The following ITPR1 variants were observed in gnomAD, a reference collection of about 807,000 sequenced individuals.
ITPR1 encodes inositol 1,4,5-trisphosphate receptor type 1.
Under a neutral mutation model 318.4 loss-of-function variants are expected in ITPR1, and 96 were observed. The ratio of observed to expected loss-of-function variants is 0.30; its 90% CI spans 0.26 to 0.36. The LOEUF is 0.36. Among genes scored for constraint, ITPR1 ranks in the 10% least tolerant of loss-of-function variants. ITPR1 has a pLI of 1.00. For missense variants in ITPR1, 2,440 were observed against 3,460.2 expected (o/e 0.71, Z 7.40); for synonymous variants, 1,312 against 1,289.9 (o/e 1.02, Z -0.37).
intron 60 of ITPR1, among the ~76,000 whole-genome samples, chr3:4,835,103 A>T (rs1011796704): frequency 6.6e-6 from 1 of 152,118 alleles, no homozygotes. Flanking sequence ...CAAACTAGTG[A>T]CTGTGACCCT....
chr3:4,623,121 C>T (rs2092701658), intron 4 of ITPR1, among the ~76,000 whole-genome samples: 1 of 152,226 alleles, frequency 6.6e-6, no homozygotes, highest in South Asian at 2.1e-4. Context: ...ACACCTGTGG[C>T]TCCCCTTGCT....
intron 30 of ITPR1, among the ~76,000 whole-genome samples, chr3:4,685,773 G>A (rs148287920): frequency 7.9e-5 from 12 of 152,304 alleles, no homozygotes; most frequent in African/African-American, 2.6e-4. Flanking sequence ...GGGGAGGCAG[G>A]AGCAGGCTGA....
rs554879751 is a variant in ITPR1, at chr3:4,695,685, T to C, written c.4282-1462T>C. Among the ~76,000 whole-genome samples the C allele has an allele frequency of 1.3e-4, 20 of 152,362 alleles. No individual in the cohort carries two copies. The South Asian group carries it at 4.1e-3, about 32-fold the overall frequency. ...GGTTTTGGACTTCTTCTGTGTATCA[T>C]TCCATGCCTTTTTAAGTTCAGTTCT... is the stretch of plus-strand genomic sequence containing the variant. On this transcript the variant is annotated intron_variant, in intron 33 of 61. Transcript: ENST00000649015.
Position 4,818,212 on chromosome 3 carries a change from G to T in ITPR1, c.7998G>T (p.Gly2666=). 1 of 1,579,478 alleles carries T rather than the reference G, an allele frequency of 6.3e-7. No homozygotes were observed. Among genetic ancestry groups the T allele is most frequent in the Non-Finnish European group, 8.7e-7 (1 of 1,153,232 alleles). The stretch of plus-strand genomic sequence containing the variant: ...TAAAGGACTCCACCGAATATACTGG[G>T]CCTGAGAGTTACGTGGCAGAAATGA... ...VKVKDSTEYT[G]PESYVAEMIK... is the part of the protein sequence containing the mutation. Residue 2666 remains glycine, a synonymous_variant, in exon 60 of 62, where the codon GGG becomes GGT. Transcript: ENST00000649015.
intron 13 of ITPR1, among the ~76,000 whole-genome samples, chr3:4,659,356 A>C (rs1417195256): frequency 6.6e-6 from 1 of 152,190 alleles, no homozygotes; most frequent in East Asian, 1.9e-4. Context: ...TCTCCAAGCG[A>C]ATGAATATCA....
At chr3:4,845,187 T>C (rs971224070) in intron 61 of ITPR1, among the ~76,000 whole-genome samples, 2 of 152,238 alleles carry the variant, frequency 1.3e-5, no homozygotes, top group African/African-American at 4.8e-5. Flanking sequence ...CTAATTCCTC[T>C]ACAATTTTAG....
chr3:4,674,613 AAG>A (rs1448508133), intron 22 of ITPR1, among the ~76,000 whole-genome samples: 3 of 152,246 alleles, frequency 2.0e-5, no homozygotes, highest in Non-Finnish European at 4.4e-5. Context: ...TAAAACTGAC[AAG>A]AGAGAAACAC....
In ITPR1 at chr3:4,683,935, CA is replaced by C. The variant is rs3215005; in HGVS notation, c.3498+139del. The stretch of plus-strand genomic sequence containing the variant: ...TCTGCTTGTTAAGTCACCAAGATCA[CA>C]AGCTGTTTGCCTAGGAAATAAGCTA... On this transcript the variant is annotated intron_variant, in intron 28 of 61. Coordinates refer to ENST00000649015, the MANE Select transcript of ITPR1 (RefSeq NM_001378452.1). 638,377 of 801,110 alleles carry C rather than the reference CA, an allele frequency of 0.8. 257,397 individuals are homozygous for C. Among genetic ancestry groups the C allele is most frequent in the Admixed American group, 0.85 (31,721 of 37,114 alleles). The allele number at this position is 801,110 out of a possible 1,614,324, so 49.6% of individuals were successfully genotyped here.
At chr3:4,512,938 A>G (rs2081942152) in intron 2 of ITPR1, among the ~76,000 whole-genome samples, 1 of 93,628 alleles carries the variant, frequency 1.1e-5, no homozygotes, top group Non-Finnish European at 2.2e-5. Flanking sequence ...TATGTCAGGC[A>G]TGGCTTGTCA....
At chr3:4,559,948 A>G (rs968273641) in intron 4 of ITPR1, among the ~76,000 whole-genome samples, 2 of 152,222 alleles carry the variant, frequency 1.3e-5, no homozygotes, top group Admixed American at 6.5e-5. Flanking sequence ...GGTTCAGAGC[A>G]TGAGTTCTAG....
chr3:4,541,729 C>A (rs1048981582), intron 4 of ITPR1, among the ~76,000 whole-genome samples: 7 of 151,898 alleles, frequency 4.6e-5, no homozygotes, highest in Middle Eastern at 3.2e-3. Context: ...AGGTTCAAGC[C>A]GTTCTCCTGC....
intron 52 of ITPR1, among the ~76,000 whole-genome samples, chr3:4,794,532 C>A (rs778773565): frequency 3.3e-5 from 5 of 152,138 alleles, no homozygotes; most frequent in Non-Finnish European, 7.4e-5. Flanking sequence ...TAGGCACTGG[C>A]GTGTTAGTGG....
In ITPR1 at chr3:4,705,978, C is replaced by T. The variant is rs372179596; in HGVS notation, c.4658-189C>T. Among the ~76,000 whole-genome samples the T allele has an allele frequency of 2.8e-4, 43 of 152,234 alleles. 11 individuals carry two copies. Among genetic ancestry groups the T allele is most frequent in the Admixed American group, 2.6e-3 (39 of 15,290 alleles). ...AAGAACTGCTTCCCCCCAGAATTCA[C>T]ACTGGGAAACCCTGACCTAAAAGAT... is the stretch of plus-strand genomic sequence containing the variant. On this transcript the variant is annotated intron_variant, in intron 36 of 61. Transcript: ENST00000649015.
At chr3:4,645,799 C>CTT (rs756367650) in intron 10 of ITPR1, 71 bp downstream of exon 10, 5 of 1,413,590 alleles carry the variant, frequency 3.5e-6, no homozygotes, top group Non-Finnish European at 2.9e-6. Flanking sequence ...CTCTCTCTCT[C>CTT]TATCCTACAA....
intron 60 of ITPR1, among the ~76,000 whole-genome samples, chr3:4,819,668 G>T (rs1372870934): frequency 6.6e-6 from 1 of 152,202 alleles, no homozygotes; most frequent in Non-Finnish European, 1.5e-5. Context: ...GGTTGTTAAA[G>T]TTACGCTCCA....
chr3:4,767,905 G>A (rs1242002254), intron 45 of ITPR1, among the ~76,000 whole-genome samples: 1 of 152,180 alleles, frequency 6.6e-6, no homozygotes, highest in African/African-American at 2.4e-5. Context: ...CAGATGAGGG[G>A]ACTGGGGCAC....
At chr3:4,790,063 AATGT>A (rs760781185) in intron 52 of ITPR1, among the ~76,000 whole-genome samples, 2 of 152,246 alleles carry the variant, frequency 1.3e-5, no homozygotes, top group Non-Finnish European at 2.9e-5. Flanking sequence ...GTTTATGTAT[AATGT>A]ATGTATTTTA....
At chr3:4,812,918 T>C (rs1254655580) in intron 56 of ITPR1, 1 of 559,634 alleles carries the variant, frequency 1.8e-6, no homozygotes, top group Non-Finnish European at 3.2e-6. Flanking sequence ...GCTATTTAAG[T>C]GCGATATTTC....
At chr3:4,762,723 C>G (rs2125366290) in intron 44 of ITPR1, among the ~76,000 whole-genome samples, 1 of 152,356 alleles carries the variant, frequency 6.6e-6, no homozygotes, top group South Asian at 2.1e-4. Flanking sequence ...CCCAGGCAGT[C>G]TGACTGCAAA....
Sources: allele counts gnomAD v4.1 joint callset (sites outside exome capture counted in the v4.1 genomes callset), GRCh38; gene constraint gnomAD v4.1.1; transcripts MANE v1.5; gene names NCBI Gene and HGNC (gene_info 2026-07-23, HGNC 2026-07-21).